The following KANSL1 variants were observed in gnomAD, a reference collection of about 807,000 sequenced individuals.
The protein encoded by KANSL1 is MLL1/MLL complex subunit KANSL1.
Under a neutral mutation model 103.6 loss-of-function variants are expected in KANSL1, and 22 were observed. The observed-to-expected ratio is 0.21, with a 90% confidence interval of 0.15 to 0.30. The LOEUF (loss-of-function observed/expected upper bound fraction) is 0.30. Among genes scored for constraint, KANSL1 ranks in the 10% least tolerant of loss-of-function variants. The pLI is 1.00. For synonymous variants in KANSL1, 600 were observed against 527.6 expected, an observed-to-expected ratio of 1.14 and a Z score of -1.88; for missense variants, 1,337 against 1,399.8, an observed-to-expected ratio of 0.96 and a Z score of 0.72.
At chr17:46,062,355 CTTTTTTTTTTTT>C (rs34577730) in intron 6 of KANSL1, among the ~76,000 whole-genome samples, 1 of 95,470 alleles carries the variant, frequency 1.0e-5, no homozygotes, top group South Asian at 3.6e-4. Flanking sequence ...ATAACAACAG[CTTTTTTTTTTTT>C]TTTTTTTTTT....
Position 46,031,279 on chromosome 17 carries a change from G to A in KANSL1, c.*197C>T, listed in dbSNP as rs2146297010. 2 of 629,640 alleles carry A rather than the reference G, an allele frequency of 3.2e-6. No individual in the cohort carries two copies. Among genetic ancestry groups the A allele is most frequent in the Admixed American group, 2.9e-5 (1 of 33,980 alleles). The allele number at this position is 629,640 out of a possible 1,614,324, so 39.0% of individuals were successfully genotyped here. The stretch of plus-strand genomic sequence containing the variant: ...CCAACGGGAGGAAGTGCTCAGGTGT[G>A]TGACAAGAAAACATGGAAACAAAAA... On this transcript the variant is annotated 3_prime_UTR_variant, in exon 15 of 15. Coordinates refer to ENST00000432791, the MANE Select transcript of KANSL1 (RefSeq NM_015443.4).
chr17:46,219,259 A>AGAAAT, intron 1 of KANSL1, among the ~76,000 whole-genome samples: 1 of 151,812 alleles, frequency 6.6e-6, no homozygotes, highest in Non-Finnish European at 1.5e-5. Context: ...ATAAAAAAAA[A>AGAAAT]AAAAGGAAGA....
Position 46,039,013 on chromosome 17 carries a change from G to A in KANSL1, c.2392+14C>T, listed in dbSNP as rs1360057282. ...GTGCAGTTGCAGGTAGAGGTGCCAT[G>A]GGCCTGGCCCTACCTTCACTTCTCT... is the stretch of plus-strand genomic sequence containing the variant. On this transcript the variant is annotated intron_variant, in intron 9 of 14. Transcript: ENST00000432791. The A allele has an allele frequency of 1.8e-5, 29 of 1,602,078 alleles. No individual in the cohort carries two copies. The highest frequency in any genetic ancestry group is 4.5e-5 in the South Asian group (4 of 89,406).
intron 2 of KANSL1, among the ~76,000 whole-genome samples, chr17:46,127,891 T>C (rs1330713533): frequency 5.9e-5 from 9 of 152,230 alleles, no homozygotes; most frequent in African/African-American, 2.2e-4. Flanking sequence ...CTAATAAGAC[T>C]TGAGAGCAAC....
At chr17:46,045,623 T>C (rs1025010153) in intron 7 of KANSL1, 4 of 152,200 alleles carry the variant, frequency 2.6e-5, no homozygotes, top group Admixed American at 6.5e-5. Flanking sequence ...TCCCTATCTT[T>C]CTTTCCATTC....
chr17:46,171,572 C>T lies in KANSL1; in HGVS notation c.572G>A (p.Gly191Asp). The part of the protein sequence containing the change: ...RALTSSALHG[G>D]EMGGSESGDL... The stretch of plus-strand genomic sequence containing the variant: ...CCCAGATTCAGATCCTCCCATTTCA[C>T]CCCCATGAAGAGCAGATGAAGTGAG... The change falls in exon 2 of 15, where the codon GGT becomes GAT. Residue 191 changes from glycine to aspartate, a missense_variant. Physicochemically the swap from Gly to Asp is moderately conservative, Grantham distance 94. This residue lies in a region of KANSL1 where 557 missense variants were observed against 476.4 expected (regional missense o/e 1.17). Transcript: ENST00000432791. The T allele has an allele frequency of 6.2e-7, 1 of 1,606,716 alleles. No homozygotes were observed. Among genetic ancestry groups the T allele is most frequent in the South Asian group, 1.1e-5 (1 of 90,068 alleles).
chr17:46,139,273 C>T (rs1411292049), intron 2 of KANSL1, among the ~76,000 whole-genome samples: 2 of 145,136 alleles, frequency 1.4e-5, no homozygotes, highest in Non-Finnish European at 3.0e-5. Flanking sequence ...ATTTTGGAAC[C>T]AAGTTTAAAA....
intron 2 of KANSL1, among the ~76,000 whole-genome samples, chr17:46,144,555 A>C (rs539561332): frequency 2.6e-5 from 4 of 152,252 alleles, no homozygotes; most frequent in African/African-American, 9.6e-5. Flanking sequence ...GAAATTTTAT[A>C]AACAGCCATG....
intron 2 of KANSL1, among the ~76,000 whole-genome samples, chr17:46,158,537 A>AT (rs552688494): frequency 3.3e-5 from 5 of 151,706 alleles, no homozygotes; most frequent in Admixed American, 1.3e-4. Flanking sequence ...CAATTTTTGT[A>AT]TTTTTTGTTT....
chr17:46,161,264 A>T (rs1200623323), intron 2 of KANSL1, among the ~76,000 whole-genome samples: 1 of 149,338 alleles, frequency 6.7e-6, no homozygotes, highest in Non-Finnish European at 1.5e-5. Context: ...AAAAAAAAAA[A>T]AAAAAAAAAA....
At chr17:46,108,741 A>G (rs938329584) in intron 2 of KANSL1, among the ~76,000 whole-genome samples, 2 of 152,192 alleles carry the variant, frequency 1.3e-5, no homozygotes, top group African/African-American at 4.8e-5. Context: ...ATTAAAACCA[A>G]AGTAATTCCA....
At chr17:46,161,512 C>G (rs1402415964) in intron 2 of KANSL1, among the ~76,000 whole-genome samples, 2 of 152,094 alleles carry the variant, frequency 1.3e-5, no homozygotes. Context: ...AGGTTTAAGA[C>G]TAATTCAGTC....
At chr17:46,154,102 T>C (rs1320403495) in intron 2 of KANSL1, among the ~76,000 whole-genome samples, 5 of 152,172 alleles carry the variant, frequency 3.3e-5, no homozygotes, top group Non-Finnish European at 1.5e-5. Context: ...TAAAACGATG[T>C]CTAGTTTGGC....
intron 6 of KANSL1, among the ~76,000 whole-genome samples, chr17:46,062,021 G>A (rs2078176291): frequency 6.7e-6 from 1 of 149,636 alleles, no homozygotes; most frequent in African/African-American, 2.5e-5. Context: ...GAACCCGGGA[G>A]GCGGAGGCTG....
At chr17:46,218,612 G>A (rs1384773358) in intron 1 of KANSL1, among the ~76,000 whole-genome samples, 7 of 151,414 alleles carry the variant, frequency 4.6e-5, no homozygotes, top group East Asian at 2.0e-4. Context: ...GTGAAACCCC[G>A]TCTCTACTAA....
chr17:46,171,575 C>T lies in KANSL1; in HGVS notation c.569G>A (p.Gly190Glu). The change falls in exon 2 of 15, where the codon GGG becomes GAG. Residue 190 changes from glycine to glutamate, a missense_variant. Coordinates refer to ENST00000432791, the MANE Select transcript of KANSL1 (RefSeq NM_015443.4). ...KRALTSSALH[G>E]GEMGGSESGD... ...AGATTCAGATCCTCCCATTTCACCC[C>T]CATGAAGAGCAGATGAAGTGAGAGC... The T allele has an allele frequency of 6.2e-7, 1 of 1,603,868 alleles. No homozygotes were observed. Among genetic ancestry groups the T allele is most frequent in the South Asian group, 1.1e-5 (1 of 89,920 alleles).
intron 2 of KANSL1, among the ~76,000 whole-genome samples, chr17:46,158,869 C>G (rs1321468510): frequency 6.6e-6 from 1 of 152,198 alleles, no homozygotes; most frequent in Non-Finnish European, 1.5e-5. Context: ...GCATAACACT[C>G]CAGCAATAGC....
chr17:46,104,240 A>AT (rs2042437478), intron 2 of KANSL1, among the ~76,000 whole-genome samples: 1 of 152,230 alleles, frequency 6.6e-6, no homozygotes, highest in Admixed American at 6.5e-5. Context: ...TGGTAAACAT[A>AT]TACATATTAT....
rs35017603 is a variant in KANSL1 at position 46,130,187 on chromosome 17, C to CAAAAAAAAAAAAAAAAAAAAAAAAAA, written c.1290-35487_1290-35486insTTTTTTTTTTTTTTTTTTTTTTTTTT. On this transcript the variant is annotated intron_variant, in intron 2 of 14. Transcript: ENST00000432791. ...GGGCAAAAGAATGAGATCCTGTCTCCAAAAAAAAAAAAAAAAAAAAAGGAA... is the reference window on the plus strand; with the variant it reads ...GGGCAAAAGAATGAGATCCTGTCTCCAAAAAAAAAAAAAAAAAAAAAAAAAAAAAAAAAAAAAAAAAAAAAAAGGAA... Among the ~76,000 whole-genome samples the CAAAAAAAAAAAAAAAAAAAAAAAAAA allele has an allele frequency of 5.7e-4, 43 of 75,448 alleles. 1 individual carries two copies. Among genetic ancestry groups the CAAAAAAAAAAAAAAAAAAAAAAAAAA allele is most frequent in the Non-Finnish European group, 9.7e-4 (36 of 36,960 alleles). The allele number at this position is 75,448 out of a possible 152,430, so 49.5% of individuals were successfully genotyped here. A position where few individuals can be genotyped will look rare whatever the true frequency, so the allele number is the denominator to read the frequency against.
Sources: allele counts gnomAD v4.1 joint callset (sites outside exome capture counted in the v4.1 genomes callset), GRCh38; gene constraint gnomAD v4.1.1; regional missense constraint gnomAD v4.1.1; transcripts MANE v1.5; gene names NCBI Gene and HGNC (gene_info 2026-07-23, HGNC 2026-07-21).